ARHGEF10L: variants seen among roughly 807,000 people sequenced by gnomAD.
ARHGEF10L encodes the protein rho guanine nucleotide exchange factor 10-like protein.
ARHGEF10L carries 69 observed loss-of-function variants against 141.2 expected under a neutral mutation model. The observed-to-expected ratio is 0.49, with a 90% CI of 0.40 to 0.60. The LOEUF (loss-of-function observed/expected upper bound fraction) is 0.60, where lower values mean the gene tolerates loss of function less well. Among genes scored for constraint, ARHGEF10L ranks in the 20% least tolerant of loss-of-function variants. The pLI, the probability that ARHGEF10L is intolerant of heterozygous loss-of-function variation, is 0.00. For missense variants in ARHGEF10L, 1,482 were observed against 1,734.3 expected, an observed-to-expected ratio of 0.85 and a Z score of 2.58; for synonymous variants, 711 against 718.5, an observed-to-expected ratio of 0.99 and a Z score of 0.17.
Position 17,607,968 on chromosome 1 carries a change from C to T in ARHGEF10L, c.600C>T (p.Phe200=). The T allele has an allele frequency of 6.8e-7, 1 of 1,463,702 alleles. No homozygotes were observed. Among genetic ancestry groups the T allele is most frequent in the Non-Finnish European group, 9.0e-7 (1 of 1,105,766 alleles). The allele number at this position is 1,463,702 out of a possible 1,614,324, so 90.7% of individuals were successfully genotyped here. Residue 200 remains phenylalanine, a synonymous_variant, in exon 7 of 29, where the codon TTC becomes TTT. Transcript: ENST00000361221. This position sits in a 1 kb window ranked among gnomAD's most constrained non-coding sequence, Gnocchi z 4.5. ...EVEPAKHRVS[F]QPKLSPDLTR... is the part of the protein sequence containing the mutation. Reference sequence around the variant, plus strand: ...AGCCCGCCAAGCACCGAGTGTCCTTCCAGCCCAAGGTGAGGGGACCGGGGG... The same window carrying T: ...AGCCCGCCAAGCACCGAGTGTCCTTTCAGCCCAAGGTGAGGGGACCGGGGG...
At chr1:17,674,853 A>G (rs1217597046) in intron 26 of ARHGEF10L, among the ~76,000 whole-genome samples, 2 of 152,112 alleles carry the variant, frequency 1.3e-5, no homozygotes, top group East Asian at 1.9e-4. Context: ...CTGTACGGGT[A>G]TGAGGCCTAG....
At chr1:17,633,996 A>C (rs1401877196) in intron 16 of ARHGEF10L, among the ~76,000 whole-genome samples, 3 of 152,122 alleles carry the variant, frequency 2.0e-5, no homozygotes, top group Non-Finnish European at 4.4e-5. Flanking sequence ...TCACACCTAG[A>C]ATGAGATCCA....
rs56294798 is a variant in ARHGEF10L at position 17,603,082 on chromosome 1, G to A, written c.350-426G>A. Among the ~76,000 whole-genome samples, 2,911 of 151,954 alleles carry A rather than the reference G, an allele frequency of 0.019. 83 individuals carry two copies. The highest frequency in any genetic ancestry group is 0.066 in the African/African-American group (2,731 of 41,420). The stretch of plus-strand genomic sequence containing the variant: ...CTGGAAGGCCTGTGGGTCAAGGACC[G>A]GCTCCCATCAGGGGTGGGGGCTGGT... On this transcript the variant is annotated intron_variant, in intron 5 of 28. Transcript: ENST00000361221. This position sits in a 1 kb window ranked among gnomAD's most constrained non-coding sequence, Gnocchi z 4.8.
intron 7 of ARHGEF10L, among the ~76,000 whole-genome samples, chr1:17,609,419 A>T (rs138567985): frequency 6.6e-6 from 1 of 152,318 alleles, no homozygotes; most frequent in East Asian, 1.9e-4. Flanking sequence ...AAGCATTTAC[A>T]ACACCTACTG....
Position 17,664,614 on chromosome 1 carries a change from G to T in ARHGEF10L, c.3009+19G>T. 6.6e-7 allele frequency: 1 copy of T among 1,514,626 alleles called. No individual in the cohort carries two copies. The allele number at this position is 1,514,626 out of a possible 1,614,324, so 93.8% of individuals were successfully genotyped here. A position where few individuals can be genotyped will look rare whatever the true frequency, so the allele number is the denominator to read the frequency against. On this transcript the variant is annotated intron_variant, in intron 26 of 28. Transcript: ENST00000361221. Reference sequence around the variant, plus strand: ...GCCTCAGGTACTGCACTATCCTTTGGCTTGTGGCCCTGGAGGCCTGCCTTC... The same window carrying T: ...GCCTCAGGTACTGCACTATCCTTTGTCTTGTGGCCCTGGAGGCCTGCCTTC...
Position 17,627,654 on chromosome 1 carries a change from G to C in ARHGEF10L, c.1584+151G>C. On this transcript the variant is annotated intron_variant, in intron 15 of 28. Transcript: ENST00000361221. The surrounding 1 kb of genome is among the most constrained non-coding windows in gnomAD (Gnocchi z 4.0). ...TTCCAAGGATGTGACCTTGGGGATT[G>C]GATCCTCAGCGGGACCCCCACGTTC... The C allele has an allele frequency of 2.1e-6, 2 of 956,946 alleles. No homozygotes were observed. The highest frequency in any genetic ancestry group is 3.0e-6 in the Non-Finnish European group (2 of 659,652). The allele number at this position is 956,946 out of a possible 1,614,324, so 59.3% of individuals were successfully genotyped here. A position where few individuals can be genotyped will look rare whatever the true frequency, so the allele number is the denominator to read the frequency against.
chr1:17,642,833 C>T (rs1215185980), intron 21 of ARHGEF10L, among the ~76,000 whole-genome samples: 1 of 152,240 alleles, frequency 6.6e-6, no homozygotes, highest in Non-Finnish European at 1.5e-5. Flanking sequence ...CCACCCCATG[C>T]ATCACTTCCA....
intron 26 of ARHGEF10L, among the ~76,000 whole-genome samples, 198 bp downstream of exon 26, chr1:17,664,793 A>G (rs1242301136): frequency 6.6e-6 from 1 of 152,200 alleles, no homozygotes; most frequent in Non-Finnish European, 1.5e-5. Context: ...CGCCAAGGCT[A>G]CCAAGAACAG....
At chr1:17,661,324 C>T (rs557482108) in intron 25 of ARHGEF10L, among the ~76,000 whole-genome samples, 8 of 152,352 alleles carry the variant, frequency 5.3e-5, no homozygotes, top group African/African-American at 9.6e-5. Context: ...GTGATCCGGC[C>T]GCCCCGGCCT....
At chr1:17,520,330 C>T in the ARHGEF10L span, among the ~76,000 whole-genome samples, 5 of 152,324 alleles carry the variant, frequency 3.3e-5, no homozygotes, top group African/African-American at 9.6e-5. Flanking sequence ...GGGGAGCCAG[C>T]GTACTCACCC....
intron 5 of ARHGEF10L, among the ~76,000 whole-genome samples, chr1:17,602,810 C>G (rs1570802665): frequency 6.6e-6 from 1 of 152,108 alleles, no homozygotes; most frequent in Non-Finnish European, 1.5e-5. Context: ...GATGTGGCTG[C>G]CTTTGCCTTT....
chr1:17,656,239 A>G lies in ARHGEF10L; in HGVS notation c.2705+137A>G, dbSNP rs1010126834. On this transcript the variant is annotated intron_variant, in intron 24 of 28. Coordinates refer to ENST00000361221, the MANE Select transcript of ARHGEF10L (RefSeq NM_018125.4). The surrounding 1 kb of genome is among the most constrained non-coding windows in gnomAD (Gnocchi z 4.9). ...CCTGGTCTCCAGGAAGGTGGGCACC[A>G]GAGCTGCCCAGTGTGGGAGCCAAAG... The G allele has an allele frequency of 9.1e-7, 1 of 1,096,600 alleles. No individual in the cohort carries two copies. 67.9% of individuals were successfully genotyped at this position (1,096,600 alleles called of 1,614,324 possible). A position where few individuals can be genotyped will look rare whatever the true frequency, so the allele number is the denominator to read the frequency against.
At chr1:17,663,602 A>C (rs1478011229) in intron 25 of ARHGEF10L, among the ~76,000 whole-genome samples, 3 of 151,910 alleles carry the variant, frequency 2.0e-5, no homozygotes, top group East Asian at 3.9e-4. Flanking sequence ...CTCACCTGGC[A>C]GCAGTGGTGT....
intron 7 of ARHGEF10L, among the ~76,000 whole-genome samples, chr1:17,610,134 C>A (rs1407219179): frequency 6.6e-6 from 1 of 152,102 alleles, no homozygotes; most frequent in Admixed American, 6.5e-5. Context: ...CAGCGGTGGT[C>A]CCCATGCTTC....
chr1:17,647,905 T>C (rs1247381040), intron 21 of ARHGEF10L, among the ~76,000 whole-genome samples: 2 of 152,116 alleles, frequency 1.3e-5, no homozygotes, highest in African/African-American at 4.8e-5. Context: ...GTCCTGGGTC[T>C]GGGGTCGGGT....
chr1:17,634,269 TG>T, intron 16 of ARHGEF10L: 2 of 569,854 alleles, frequency 3.5e-6, no homozygotes, highest in East Asian at 6.3e-5. Context: ...GGAATCAGTT[TG>T]GGTGATTTGG....
chr1:17,637,648 G>A (rs1328802183), intron 18 of ARHGEF10L, among the ~76,000 whole-genome samples: 3 of 152,036 alleles, frequency 2.0e-5, no homozygotes, highest in African/African-American at 4.8e-5. Flanking sequence ...ACAGGTGCCC[G>A]CCACCATGCC....
At chr1:17,671,982 A>T (rs1195555599) in intron 26 of ARHGEF10L, among the ~76,000 whole-genome samples, 2 of 152,184 alleles carry the variant, frequency 1.3e-5, no homozygotes, top group African/African-American at 2.4e-5. Flanking sequence ...AGAGCAGCTG[A>T]CCGAGGCTTG....
At chr1:17,638,107 C>G in intron 19 of ARHGEF10L, 104 bp downstream of exon 19, 1 of 997,600 alleles carries the variant, frequency 1.0e-6, no homozygotes, top group Non-Finnish European at 1.5e-6. Flanking sequence ...GCCCATGTCC[C>G]CGATGTGCTC....
Sources: allele counts gnomAD v4.1 joint callset (sites outside exome capture counted in the v4.1 genomes callset), GRCh38; gene constraint gnomAD v4.1.1; non-coding constraint Gnocchi (gnomAD v3.1); transcripts MANE v1.5; gene names NCBI Gene and HGNC (gene_info 2026-07-23, HGNC 2026-07-21).